Variants in ERBB4 observed in about 807,000 individuals in gnomAD.
ERBB4 encodes receptor tyrosine-protein kinase erbB-4.
ERBB4 carries 42 observed loss-of-function variants against 158.0 expected under a neutral mutation model. The observed-to-expected ratio is 0.27, with a 90% confidence interval of 0.21 to 0.34. The LOEUF is 0.34. Among genes scored for constraint, ERBB4 ranks in the 10% least tolerant of loss-of-function variants. The pLI, the probability that ERBB4 is intolerant of heterozygous loss-of-function variation, is 1.00. For missense variants in ERBB4, 1,333 were observed against 1,624.1 expected, an observed-to-expected ratio of 0.82 and a Z score of 3.08; for synonymous variants, 583 against 558.7, an observed-to-expected ratio of 1.04 and a Z score of -0.61.
At position 211,688,321 on chromosome 2, in the gene ERBB4, T is replaced by C. The variant is rs553102668; in HGVS notation, c.1490-9137A>G. ...TTCCTCTCTGGTATTGTCTGTCAAC[T>C]CTAGCTGCATTATTCTGCCTGGACT... On this transcript the variant is annotated intron_variant, in intron 12 of 27. Transcript: ENST00000342788. Among the ~76,000 whole-genome samples, 3 of 152,272 alleles carry C rather than the reference T, an allele frequency of 2.0e-5. No homozygotes were observed. In the South Asian group the frequency reaches 6.2e-4, roughly 32 times the overall value.
At position 211,677,922 on chromosome 2, in the gene ERBB4, C is replaced by T. The variant is rs980779646; in HGVS notation, c.1622+1130G>A. ...AAAATAAAAATAAAGAAAGAAAATACTTTCAGTGAGCAACATAAGAAAATT... is the reference window on the plus strand; with the variant it reads ...AAAATAAAAATAAAGAAAGAAAATATTTTCAGTGAGCAACATAAGAAAATT... On this transcript the variant is annotated intron_variant, in intron 13 of 27. Transcript: ENST00000342788. Among the ~76,000 whole-genome samples, 4 of 151,890 alleles carry T rather than the reference C, an allele frequency of 2.6e-5. No individual in the cohort carries two copies. In the East Asian group the frequency reaches 7.7e-4, roughly 29 times the overall value.
intron 2 of ERBB4, among the ~76,000 whole-genome samples, chr2:212,092,917 C>G (rs1185228009): frequency 6.6e-6 from 1 of 152,022 alleles, no homozygotes; most frequent in African/African-American, 2.4e-5. Flanking sequence ...ATGTAACAAA[C>G]CTGCACATTC....
At chr2:211,413,933 C>T (rs1248587989) in intron 25 of ERBB4, among the ~76,000 whole-genome samples, 1 of 151,760 alleles carries the variant, frequency 6.6e-6, no homozygotes, top group East Asian at 1.9e-4. Context: ...AGAGGCCAGG[C>T]TCCTCCCCTG....
At chr2:212,503,891 C>G (rs1691039344) in intron 1 of ERBB4, among the ~76,000 whole-genome samples, 2 of 151,898 alleles carry the variant, frequency 1.3e-5, no homozygotes, top group Non-Finnish European at 2.9e-5. Context: ...AAAAAAAATG[C>G]TGATGCATTA....
At chr2:211,823,420 A>AT (rs1405675927) in intron 3 of ERBB4, among the ~76,000 whole-genome samples, 5 of 151,890 alleles carry the variant, frequency 3.3e-5, no homozygotes, top group African/African-American at 1.2e-4. Context: ...TAGAGACAGA[A>AT]TTTTTTAATG....
At chr2:211,781,184 G>A (rs539486538) in intron 4 of ERBB4, among the ~76,000 whole-genome samples, 10 of 152,182 alleles carry the variant, frequency 6.6e-5, no homozygotes, top group African/African-American at 2.2e-4. Context: ...ACTCTATCTC[G>A]AGAATTCTAT....
chr2:211,866,109 G>A (rs952042876), intron 3 of ERBB4, among the ~76,000 whole-genome samples: 3 of 152,074 alleles, frequency 2.0e-5, no homozygotes, highest in Non-Finnish European at 4.4e-5. Flanking sequence ...AAATTAACCT[G>A]GTGTGGTGGC....
intron 3 of ERBB4, among the ~76,000 whole-genome samples, chr2:211,888,276 A>C (rs2106172989): frequency 6.6e-6 from 1 of 152,342 alleles, no homozygotes; most frequent in South Asian, 2.1e-4. Context: ...ATAAGGAAGA[A>C]AACAAGCTCA....
intron 12 of ERBB4, among the ~76,000 whole-genome samples, chr2:211,693,867 C>T (rs915793734): frequency 2.0e-5 from 3 of 152,088 alleles, no homozygotes; most frequent in Admixed American, 6.6e-5. Context: ...TATGGTCCTC[C>T]CCTAGCTTCT....
intron 1 of ERBB4, among the ~76,000 whole-genome samples, chr2:212,192,071 G>GTTATATATA (rs1187248117): frequency 1.2e-5 from 1 of 84,562 alleles, no homozygotes; most frequent in African/African-American, 4.5e-5. Flanking sequence ...TATGTTATAT[G>GTTATATATA]TTATATATAT....
Position 212,309,585 on chromosome 2 carries a change from T to C in ERBB4, c.83-184682A>G, listed in dbSNP as rs943351677. ...TCAATCAGTATTTGTTATCATTCCCTAGCATAGAAAGCAAATAAGTACTCT... is the reference window on the plus strand; with the variant it reads ...TCAATCAGTATTTGTTATCATTCCCCAGCATAGAAAGCAAATAAGTACTCT... On this transcript the variant is annotated intron_variant, in intron 1 of 27. Coordinates refer to ENST00000342788, the MANE Select transcript of ERBB4 (RefSeq NM_005235.3). Among the ~76,000 whole-genome samples the C allele has an allele frequency of 1.7e-4, 25 of 150,888 alleles. 1 individual carries two copies. The highest frequency in any genetic ancestry group is 4.6e-4 in the African/African-American group (19 of 41,390).
chr2:211,426,191 C>T (rs2063623391), intron 22 of ERBB4, among the ~76,000 whole-genome samples: 1 of 151,984 alleles, frequency 6.6e-6, no homozygotes, highest in Admixed American at 6.6e-5. Context: ...CAATTATATC[C>T]TTGTAAAGGT....
intron 2 of ERBB4, among the ~76,000 whole-genome samples, chr2:212,068,864 T>C (rs907031391): frequency 6.6e-6 from 1 of 152,058 alleles, no homozygotes; most frequent in Non-Finnish European, 1.5e-5. Context: ...GGGATAGCAA[T>C]TGGTAAATAA....
chr2:212,054,175 A>ACCTAT (rs2077482951), intron 2 of ERBB4, among the ~76,000 whole-genome samples: 1 of 152,040 alleles, frequency 6.6e-6, no homozygotes, highest in Admixed American at 6.6e-5. Context: ...CTATGTAGGG[A>ACCTAT]GTTTATTATA....
intron 1 of ERBB4, among the ~76,000 whole-genome samples, chr2:212,404,789 T>A (rs1282294029): frequency 6.6e-6 from 1 of 151,982 alleles, no homozygotes; most frequent in East Asian, 1.9e-4. Flanking sequence ...TTTCTACTCC[T>A]CTCCCTCCTC....
chr2:212,538,366 G>T, intron 1 of ERBB4, 83 bp downstream of exon 1: 1 of 1,212,206 alleles, frequency 8.2e-7, no homozygotes, highest in Non-Finnish European at 1.2e-6. Context: ...CTCCCGGGAT[G>T]GGTGAAGAGG....
rs1437512949 is a variant in ERBB4 at position 211,571,038 on chromosome 2, C to CCTCTTTTTTTTTT, written c.2302-8951_2302-8950insAAAAAAAAAAGAG. ...GATTTTTCACTCTCTGAGTACTCTT[C>CCTCTTTTTTTTTT]TTCTTTTTTTTTTTTTTTTTTTTGA... On this transcript the variant is annotated intron_variant, in intron 19 of 27. Coordinates refer to ENST00000342788, the MANE Select transcript of ERBB4 (RefSeq NM_005235.3). Among the ~76,000 whole-genome samples the CCTCTTTTTTTTTT allele has an allele frequency of 1.4e-3, 82 of 58,748 alleles. 2 individuals carry two copies. Among genetic ancestry groups the CCTCTTTTTTTTTT allele is most frequent in the African/African-American group, 5.9e-3 (78 of 13,182 alleles). 38.5% of individuals were successfully genotyped at this position (58,748 alleles called of 152,430 possible).
At chr2:211,411,000 C>T (rs2063246120) in intron 25 of ERBB4, among the ~76,000 whole-genome samples, 3 of 152,134 alleles carry the variant, frequency 2.0e-5, no homozygotes, top group Admixed American at 2.0e-4. Context: ...CCTCCACCTC[C>T]CGGGTTCAAG....
At chr2:211,900,070 G>A (rs2125028808) in intron 3 of ERBB4, among the ~76,000 whole-genome samples, 1 of 152,196 alleles carries the variant, frequency 6.6e-6, no homozygotes, top group East Asian at 1.9e-4. Context: ...TCCCACAGAA[G>A]GGGCTGCTCT....
Sources: gnomAD v4.1 joint callset for allele counts (sites outside exome capture counted in the v4.1 genomes callset) on GRCh38, gnomAD v4.1.1 for gene constraint, MANE v1.5 for transcripts, NCBI Gene and HGNC (gene_info 2026-07-23, HGNC 2026-07-21) for gene names.